Variants in ANKRD6 observed in about 807,000 individuals in gnomAD.
The protein encoded by ANKRD6 is ankyrin repeat domain 6.
In ANKRD6, 56 loss-of-function variants were observed where a neutral mutation model predicts 82.3. That is an observed-to-expected ratio of 0.68 (90% CI 0.55 to 0.85). The LOEUF is 0.85. Ranked by LOEUF, ANKRD6 falls within the 40% of genes least tolerant of loss-of-function variation. The pLI is 0.00. For synonymous variants in ANKRD6, 347 were observed against 352.1 expected (o/e 0.99, Z 0.16); for missense variants, 852 against 907.6 (o/e 0.94, Z 0.79).
At chr6:89,435,669 C>T (rs1267458154) in intron 1 of ANKRD6, among the ~76,000 whole-genome samples, 1 of 152,170 alleles carries the variant, frequency 6.6e-6, no homozygotes. Context: ...AGGGGAGACC[C>T]AGTCTCTTCC....
intron 4 of ANKRD6, among the ~76,000 whole-genome samples, chr6:89,605,054 C>A (rs530913005): frequency 6.6e-6 from 1 of 150,686 alleles, no homozygotes; most frequent in South Asian, 2.1e-4. Flanking sequence ...GTAAGCTAAG[C>A]AAATACGAGC....
intron 1 of ANKRD6, among the ~76,000 whole-genome samples, chr6:89,527,831 A>G (rs560101704): frequency 6.6e-5 from 10 of 151,956 alleles, no homozygotes; most frequent in Non-Finnish European, 1.2e-4. Context: ...TTGTTTTTTG[A>G]CAGAGTCTTG....
chr6:89,571,212 T>C (rs558301125), intron 2 of ANKRD6, among the ~76,000 whole-genome samples: 1 of 152,170 alleles, frequency 6.6e-6, no homozygotes, highest in Admixed American at 6.6e-5. Context: ...CCATGATGCC[T>C]GGCTAATTTT....
chr6:89,506,343 G>T (rs1779854200), intron 1 of ANKRD6, among the ~76,000 whole-genome samples: 1 of 152,002 alleles, frequency 6.6e-6, no homozygotes, highest in Non-Finnish European at 1.5e-5. Context: ...TTTTGAGATG[G>T]AGTTTCTGTC....
intron 2 of ANKRD6, among the ~76,000 whole-genome samples, chr6:89,570,352 T>C (rs558213539): frequency 4.6e-5 from 7 of 152,312 alleles, no homozygotes; most frequent in African/African-American, 1.4e-4. Flanking sequence ...TGAGCCACCA[T>C]GCCTGGCCTT....
chr6:89,587,190 C>CAAAAA (rs36065437), intron 2 of ANKRD6, among the ~76,000 whole-genome samples: 1 of 84,276 alleles, frequency 1.2e-5, no homozygotes, highest in Non-Finnish European at 2.4e-5. Context: ...AACTCCGTCT[C>CAAAAA]AAAAAAAAAA....
chr6:89,442,658 G>T (rs1311954180), intron 1 of ANKRD6, among the ~76,000 whole-genome samples: 2 of 124,692 alleles, frequency 1.6e-5, no homozygotes, highest in Admixed American at 8.4e-5. Context: ...AAAAAAAAAA[G>T]ACAGCAATCA....
At chr6:89,494,312 G>A (rs1778358365) in intron 1 of ANKRD6, among the ~76,000 whole-genome samples, 1 of 152,200 alleles carries the variant, frequency 6.6e-6, no homozygotes, top group South Asian at 2.1e-4. Context: ...TGTCACCTGG[G>A]GGATGAAGAA....
chr6:89,584,033 T>C (rs1000912398), intron 2 of ANKRD6, among the ~76,000 whole-genome samples: 7 of 152,218 alleles, frequency 4.6e-5, no homozygotes, highest in African/African-American at 1.7e-4. Context: ...TGCTGAGTGC[T>C]TTATAACCCA....
rs1807681010 is a variant in ANKRD6 at position 89,632,862 on chromosome 6, C to G, written c.*1858C>G. On this transcript the variant is annotated 3_prime_UTR_variant, in exon 16 of 16. Coordinates refer to ENST00000339746, the MANE Select transcript of ANKRD6 (RefSeq NM_001242809.2). ...TTTAGAATCATTCCTCAGTATACAT[C>G]AATTTATTGAGAACTGCCTAATACT... is the stretch of plus-strand genomic sequence containing the variant. 1 of 152,180 alleles carries G rather than the reference C, an allele frequency of 6.6e-6. No individual in the cohort carries two copies. Among genetic ancestry groups the G allele is most frequent in the African/African-American group, 2.4e-5 (1 of 41,434 alleles). The allele number at this position is 152,180 out of a possible 1,614,324, so 9.4% of individuals were successfully genotyped here.
intron 1 of ANKRD6, among the ~76,000 whole-genome samples, chr6:89,503,029 C>A (rs1454094339): frequency 6.6e-6 from 1 of 152,158 alleles, no homozygotes; most frequent in Non-Finnish European, 1.5e-5. Context: ...TCTCTTTCAT[C>A]CTGCAGGCAG....
intron 1 of ANKRD6, among the ~76,000 whole-genome samples, chr6:89,548,225 A>G (rs1305781687): frequency 6.6e-6 from 1 of 152,144 alleles, no homozygotes; most frequent in African/African-American, 2.4e-5. Flanking sequence ...CCACTAATCT[A>G]CTTTCCATCT....
chr6:89,522,681 C>G (rs1782025728), intron 1 of ANKRD6, among the ~76,000 whole-genome samples: 1 of 152,122 alleles, frequency 6.6e-6, no homozygotes, highest in Admixed American at 6.5e-5. Flanking sequence ...ACACCTGTGG[C>G]TTGGGAAGTT....
At chr6:89,567,940 A>AT (rs1278065908) in intron 2 of ANKRD6, among the ~76,000 whole-genome samples, 1 of 152,116 alleles carries the variant, frequency 6.6e-6, no homozygotes, top group Non-Finnish European at 1.5e-5. Flanking sequence ...GCAAAGTTTA[A>AT]TTTTCATAGA....
chr6:89,615,846 C>G (rs1274016853), intron 7 of ANKRD6, among the ~76,000 whole-genome samples: 1 of 152,242 alleles, frequency 6.6e-6, no homozygotes, highest in Non-Finnish European at 1.5e-5. Flanking sequence ...AATTGGCCCA[C>G]TAAGCTGCAG....
At chr6:89,457,395 T>C (rs916328828) in intron 1 of ANKRD6, among the ~76,000 whole-genome samples, 1 of 152,224 alleles carries the variant, frequency 6.6e-6, no homozygotes, top group Non-Finnish European at 1.5e-5. Flanking sequence ...TTGGGAAACC[T>C]GTTTGCAAGT....
chr6:89,570,991 T>C (rs1789741853), intron 2 of ANKRD6, among the ~76,000 whole-genome samples: 2 of 152,360 alleles, frequency 1.3e-5, no homozygotes, highest in South Asian at 4.1e-4. Flanking sequence ...TTTACAGTGC[T>C]ACCAACAGTG....
chr6:89,577,228 G>C lies in ANKRD6; in HGVS notation c.120+10132G>C, dbSNP rs557512287. ...GCCCAAAGCCATCGTTTCTTCTTTT[G>C]GGTCTTTGACATCCCTCCACTGACG... On this transcript the variant is annotated intron_variant, in intron 2 of 15. Coordinates refer to ENST00000339746, the MANE Select transcript of ANKRD6 (RefSeq NM_001242809.2). 1.6e-3 allele frequency among the ~76,000 whole-genome samples: 247 copies of C among 151,964 alleles called. 1 individual carries two copies. Among genetic ancestry groups the C allele is most frequent in the African/African-American group, 5.6e-3 (231 of 41,442 alleles).
intron 1 of ANKRD6, among the ~76,000 whole-genome samples, chr6:89,491,644 G>T (rs1025164109): frequency 6.6e-6 from 1 of 151,972 alleles, no homozygotes; most frequent in Admixed American, 6.6e-5. Flanking sequence ...GTCATGGGGT[G>T]GGGGGAGGCG....
Sources: allele counts gnomAD v4.1 joint callset (sites outside exome capture counted in the v4.1 genomes callset), GRCh38; gene constraint gnomAD v4.1.1; transcripts MANE v1.5; gene names NCBI Gene and HGNC (gene_info 2026-07-23, HGNC 2026-07-21).